Variants in EGF observed in about 807,000 individuals in gnomAD.
EGF encodes the protein pro-epidermal growth factor.
EGF carries 95 observed loss-of-function variants against 143.8 expected under a neutral mutation model. That is an observed-to-expected ratio of 0.66 (90% confidence interval 0.56 to 0.78). The LOEUF (loss-of-function observed/expected upper bound fraction) is 0.78, where lower values mean the gene tolerates loss of function less well. EGF is among the 30% of genes least tolerant of loss of function. The pLI, the probability that EGF is intolerant of heterozygous loss-of-function variation, is 0.00. For missense variants in EGF, 1,320 were observed against 1,470.9 expected (o/e 0.90, Z 1.68); for synonymous variants, 510 against 510.5 (o/e 1.00, Z 0.01).
intron 1 of EGF, among the ~76,000 whole-genome samples, chr4:109,916,823 C>T (rs919634577): frequency 4.6e-5 from 7 of 152,174 alleles, no homozygotes; most frequent in African/African-American, 1.7e-4. Flanking sequence ...CTATAATCAT[C>T]GAACATTTTT....
intron 21 of EGF, chr4:110,001,786 A>T: frequency 1.0e-6 from 1 of 985,412 alleles, no homozygotes; most frequent in Non-Finnish European, 1.2e-6. Context: ...CAAAAATCAG[A>T]AGTGAAAGGA....
chr4:109,998,347 C>A (rs1489296398), intron 20 of EGF, among the ~76,000 whole-genome samples: 1 of 152,146 alleles, frequency 6.6e-6, no homozygotes, highest in Non-Finnish European at 1.5e-5. Flanking sequence ...TGGTTAGTTC[C>A]AGAAGATAGC....
At chr4:109,971,836 G>A (rs775433534) in intron 11 of EGF, among the ~76,000 whole-genome samples, 1 of 152,142 alleles carries the variant, frequency 6.6e-6, no homozygotes, top group Non-Finnish European at 1.5e-5. Flanking sequence ...TGGGATGCTT[G>A]CAGTTCCTTT....
chr4:109,916,441 T>C (rs1220997526), intron 1 of EGF, among the ~76,000 whole-genome samples: 1 of 151,956 alleles, frequency 6.6e-6, no homozygotes, highest in Non-Finnish European at 1.5e-5. Flanking sequence ...TTGTGAACTG[T>C]TTGTCTCATT....
chr4:109,992,622 A>C (rs1278026252), intron 18 of EGF, among the ~76,000 whole-genome samples: 1 of 152,150 alleles, frequency 6.6e-6, no homozygotes, highest in Non-Finnish European at 1.5e-5. Flanking sequence ...AATATAAATC[A>C]TGCTTCTATA....
chr4:109,997,248 A>C (rs1028258339), intron 20 of EGF, among the ~76,000 whole-genome samples: 1 of 152,078 alleles, frequency 6.6e-6, no homozygotes, highest in African/African-American at 2.4e-5. Context: ...CTGATCCATC[A>C]AGTGCAGGGT....
In EGF at chr4:110,008,156, T is replaced by C; in HGVS notation, c.3296T>C (p.Val1099Ala). The change falls in exon 23 of 24, where the codon GTG becomes GCG. Residue 1099 changes from valine to alanine, a missense_variant. This residue lies in a region of EGF where 1,186 missense variants were observed against 1,313.7 expected (regional missense o/e 0.90). Coordinates refer to ENST00000265171, the MANE Select transcript of EGF (RefSeq NM_001963.6). Reference sequence around the variant, plus strand: ...CCTCCTTTTTGTTGTCTGCAGTTTGTGGTTATAAAAGAACACCAAGACCTC... The same window carrying C: ...CCTCCTTTTTGTTGTCTGCAGTTTGCGGTTATAAAAGAACACCAAGACCTC... ...GMSSCPQPWF[V>A]VIKEHQDLKN... The C allele has an allele frequency of 6.2e-7, 1 of 1,613,998 alleles. No individual in the cohort carries two copies. Among genetic ancestry groups the C allele is most frequent in the Non-Finnish European group, 8.5e-7 (1 of 1,179,902 alleles).
In EGF at chr4:109,944,276, A is replaced by G. The variant is rs11568903; in HGVS notation, c.737+207A>G. On this transcript the variant is annotated intron_variant, in intron 4 of 23. Transcript: ENST00000265171. ...AACACGGTGAAACCCCGTCTCTACT[A>G]AAAATACAAAAAATTAGCCGGGCGT... 0.27 allele frequency among the ~76,000 whole-genome samples: 41,667 copies of G among 152,010 alleles called. 6,173 individuals are homozygous for G. Among genetic ancestry groups the G allele is most frequent in the Middle Eastern group, 0.38 (110 of 292 alleles).
At chr4:109,953,462 G>A (rs1447851709) in intron 5 of EGF, among the ~76,000 whole-genome samples, 1 of 152,126 alleles carries the variant, frequency 6.6e-6, no homozygotes, top group Non-Finnish European at 1.5e-5. Flanking sequence ...TGAGGAGGAG[G>A]AGCTTTTATA....
rs1239800541 is a variant in EGF at position 109,999,752 on chromosome 4, C to T, written c.3079C>T (p.His1027Tyr). 6.2e-7 allele frequency: 1 copy of T among 1,614,046 alleles called. No individual in the cohort carries two copies. Among genetic ancestry groups the T allele is most frequent in the Admixed American group, 1.7e-5 (1 of 60,016 alleles). The change falls in exon 21 of 24, where the codon CAC becomes TAC. Residue 1027 changes from histidine to tyrosine, a missense_variant. His to Tyr is a moderately conservative substitution (Grantham distance 83). Around this residue, in one of 5 missense-constraint regions of EGF, gnomAD observed 1,186 missense variants for 1,313.7 expected, o/e 0.90. Coordinates refer to ENST00000265171, the MANE Select transcript of EGF (RefSeq NM_001963.6). The stretch of plus-strand genomic sequence containing the variant: ...GTGGTGGGAACTGCGCCACGCTGGC[C>T]ACGGGCAGCAGCAGAAGGTCATCGT... ...LKWWELRHAG[H>Y]GQQQKVIVVA...
At position 110,011,468 on chromosome 4, in the gene EGF, A is replaced by C; in HGVS notation, c.*13A>C. On this transcript the variant is annotated 3_prime_UTR_variant, in exon 24 of 24. Coordinates refer to ENST00000265171, the MANE Select transcript of EGF (RefSeq NM_001963.6). The stretch of plus-strand genomic sequence containing the variant: ...GCTGACTCAGTGAAAACTGGAATTA[A>C]AAGGAAAGTCAAGAAGAATGAACTA... 2 of 1,614,196 alleles carry C rather than the reference A, an allele frequency of 1.2e-6. No homozygotes were observed. Among genetic ancestry groups the C allele is most frequent in the Non-Finnish European group, 1.7e-6 (2 of 1,180,008 alleles).
At chr4:109,955,726 T>A (rs1744685056) in intron 5 of EGF, among the ~76,000 whole-genome samples, 1 of 152,236 alleles carries the variant, frequency 6.6e-6, no homozygotes, top group Non-Finnish European at 1.5e-5. Flanking sequence ...AGGTTGCAGG[T>A]GACATGATCA....
intron 5 of EGF, among the ~76,000 whole-genome samples, chr4:109,953,434 T>A (rs1352563890): frequency 1.3e-5 from 2 of 152,264 alleles, no homozygotes; most frequent in African/African-American, 4.8e-5. Context: ...CCTTTCCAAA[T>A]CAGATATATG....
At chr4:109,933,655 G>A (rs990609315) in intron 1 of EGF, among the ~76,000 whole-genome samples, 2 of 152,042 alleles carry the variant, frequency 1.3e-5, no homozygotes, top group African/African-American at 4.8e-5. Flanking sequence ...ACCCACTTAT[G>A]AGTGAGAACA....
intron 1 of EGF, among the ~76,000 whole-genome samples, chr4:109,918,928 CCT>C (rs1426502714): frequency 6.6e-6 from 1 of 152,040 alleles, no homozygotes; most frequent in Non-Finnish European, 1.5e-5. Flanking sequence ...TGAGCGAAAC[CCT>C]CTTTCTCCCA....
chr4:109,917,197 T>C (rs923831927), intron 1 of EGF, among the ~76,000 whole-genome samples: 2 of 152,236 alleles, frequency 1.3e-5, no homozygotes, highest in Non-Finnish European at 2.9e-5. Flanking sequence ...CCTTCCCTTG[T>C]GGATTTTTAA....
At position 109,963,213 on chromosome 4, in the gene EGF, C is replaced by A; in HGVS notation, c.1353C>A (p.Cys451Ter). The A allele has an allele frequency of 1.2e-6, 2 of 1,613,996 alleles. No homozygotes were observed. The highest frequency in any genetic ancestry group is 1.7e-6 in the Non-Finnish European group (2 of 1,179,946). The part of the protein sequence containing the change: ...SPDNGGCSQL[C>*]VPLSPVSWEC... ...ATAATGGTGGATGTAGCCAGCTCTGCGTTCCTCTTAGCCCAGTATCCTGGG... is the reference window on the plus strand; with the variant it reads ...ATAATGGTGGATGTAGCCAGCTCTGAGTTCCTCTTAGCCCAGTATCCTGGG... The change falls in exon 9 of 24, where the codon TGC becomes TGA. Residue 451 changes from cysteine (C) to a stop codon, truncating the protein, a stop_gained. Coordinates refer to ENST00000265171, the MANE Select transcript of EGF (RefSeq NM_001963.6). LOFTEE classifies it high-confidence loss of function.
At chr4:109,980,168 T>G (rs1327173544) in intron 14 of EGF, 29 bp downstream of exon 14, 1 of 1,560,156 alleles carries the variant, frequency 6.4e-7, no homozygotes, top group African/African-American at 1.4e-5. Context: ...ACACAGTCTT[T>G]CCTTGGCTGG....
Position 109,969,104 on chromosome 4 carries a change from A to C in EGF, c.1709A>C (p.Tyr570Ser). Residue 570 changes from tyrosine (Y) to serine (S), a missense_variant, in exon 11 of 24, where the codon TAT (tyrosine) becomes TCT (serine). Around this residue, in one of 5 missense-constraint regions of EGF, gnomAD observed 1,186 missense variants for 1,313.7 expected, o/e 0.90. Coordinates refer to ENST00000265171, the MANE Select transcript of EGF (RefSeq NM_001963.6). ...LAVDWIGRRF[Y>S]WTDRGKSLIG... ...GTGGACTGGATTGGCCGTAGATTCT[A>C]TTGGACAGACAGAGGGTATGTTTTC... The C allele has an allele frequency of 1.2e-6, 2 of 1,614,120 alleles. No homozygotes were observed. Among genetic ancestry groups the C allele is most frequent in the Non-Finnish European group, 1.7e-6 (2 of 1,180,010 alleles).
Sources: allele counts gnomAD v4.1 joint callset (sites outside exome capture counted in the v4.1 genomes callset), GRCh38; gene constraint gnomAD v4.1.1; regional missense constraint gnomAD v4.1.1; transcripts MANE v1.5; gene names NCBI Gene and HGNC (gene_info 2026-07-23, HGNC 2026-07-21).